ABCC4: variants seen among roughly 807,000 people sequenced by gnomAD.
ABCC4 encodes ATP-binding cassette sub-family C member 4.
A neutral mutation model predicts 168.5 loss-of-function variants in ABCC4; 102 were observed. That is an observed-to-expected ratio of 0.61 (90% confidence interval 0.52 to 0.71). The LOEUF (loss-of-function observed/expected upper bound fraction) is 0.71, where lower values mean the gene tolerates loss of function less well. Among genes scored for constraint, ABCC4 ranks in the 30% least tolerant of loss-of-function variants. The pLI is 0.00. For missense variants in ABCC4, 1,402 were observed against 1,605.8 expected (o/e 0.87, Z 2.17); for synonymous variants, 617 against 590.7 (o/e 1.04, Z -0.65).
chr13:95,086,474 T>A (rs1470700183), intron 20 of ABCC4, among the ~76,000 whole-genome samples: 1 of 152,232 alleles, frequency 6.6e-6, no homozygotes, highest in African/African-American at 2.4e-5. Context: ...TCTTCTAGAA[T>A]TAATTTTGTA....
intron 1 of ABCC4, chr13:95,266,329 A>G (rs1363517197): frequency 6.6e-6 from 1 of 152,460 alleles, no homozygotes; most frequent in African/African-American, 2.4e-5. Flanking sequence ...TGATGCAGCC[A>G]CAAGCCAAGG....
intron 23 of ABCC4, 90 bp downstream of exon 23, chr13:95,074,124 G>C (rs1594051692): frequency 1.0e-6 from 1 of 961,882 alleles, no homozygotes; most frequent in East Asian, 2.6e-5. Context: ...ACAGTATGTA[G>C]TAGTAGACAA....
chr13:95,292,026 T>A (rs1186080334), intron 1 of ABCC4, among the ~76,000 whole-genome samples: 4 of 152,022 alleles, frequency 2.6e-5, no homozygotes, highest in African/African-American at 9.7e-5. Context: ...CATCTCCACT[T>A]GAATGTGTAG....
intron 4 of ABCC4, among the ~76,000 whole-genome samples, chr13:95,223,564 T>A (rs1243902654): frequency 1.3e-5 from 2 of 152,162 alleles, no homozygotes; most frequent in Non-Finnish European, 1.5e-5. Context: ...TACAGTGGTG[T>A]GATCTCAGCT....
At chr13:95,096,339 C>T (rs1382208351) in intron 20 of ABCC4, among the ~76,000 whole-genome samples, 1 of 152,040 alleles carries the variant, frequency 6.6e-6, no homozygotes, top group African/African-American at 2.4e-5. Context: ...GATCTTGGAG[C>T]TACACCAAAC....
intron 20 of ABCC4, among the ~76,000 whole-genome samples, chr13:95,092,647 C>G (rs540105578): frequency 1.3e-5 from 2 of 152,118 alleles, no homozygotes; most frequent in South Asian, 4.1e-4. Context: ...AACTGACATT[C>G]CAAGGTCACA....
intron 19 of ABCC4, among the ~76,000 whole-genome samples, chr13:95,126,730 T>TATATATATATATTCCAAA (rs1555316757): frequency 5.0e-5 from 4 of 80,536 alleles, no homozygotes; most frequent in Admixed American, 1.3e-4. Flanking sequence ...AATATATATA[T>TATATATATATATTCCAAA]ATATATATAT....
At chr13:95,046,124 A>G (rs1194580086) in intron 27 of ABCC4, among the ~76,000 whole-genome samples, 1 of 152,224 alleles carries the variant, frequency 6.6e-6, no homozygotes, top group East Asian at 1.9e-4. Context: ...TAATCTTTTT[A>G]TGAAACATAC....
intron 20 of ABCC4, among the ~76,000 whole-genome samples, chr13:95,083,804 TGA>T (rs548729057): frequency 1.7e-3 from 257 of 152,314 alleles, no homozygotes; most frequent in African/African-American, 6.0e-3. Flanking sequence ...ATTATGAGCG[TGA>T]GCCACCACAC....
chr13:95,031,545 A>G (rs2031877653), intron 30 of ABCC4, among the ~76,000 whole-genome samples: 2 of 152,260 alleles, frequency 1.3e-5, no homozygotes, highest in Admixed American at 1.3e-4. Context: ...AGAATCATAC[A>G]TGTAAGAACT....
intron 1 of ABCC4, among the ~76,000 whole-genome samples, chr13:95,285,662 A>T (rs1052283389): frequency 3.3e-5 from 5 of 152,208 alleles, no homozygotes; most frequent in African/African-American, 1.2e-4. Flanking sequence ...TAGGTACTCT[A>T]GCCAGGGTAT....
At chr13:95,095,927 T>C (rs1362179431) in intron 20 of ABCC4, 2 of 381,052 alleles carry the variant, frequency 5.2e-6, no homozygotes, top group Non-Finnish European at 4.6e-6. Context: ...AATAGAAAAA[T>C]TGTTAAGACA....
intron 8 of ABCC4, among the ~76,000 whole-genome samples, chr13:95,201,701 G>A (rs1015595487): frequency 3.9e-5 from 6 of 152,222 alleles, no homozygotes; most frequent in East Asian, 1.9e-4. Flanking sequence ...GGCCGGGTGC[G>A]GTGGCTTATA....
At chr13:95,122,793 G>A (rs1033596804) in intron 19 of ABCC4, among the ~76,000 whole-genome samples, 3 of 151,008 alleles carry the variant, frequency 2.0e-5, no homozygotes, top group Non-Finnish European at 4.4e-5. Context: ...GACCGGCTAC[G>A]GATAACTGTG....
chr13:95,100,080 T>C (rs958797567), intron 20 of ABCC4, among the ~76,000 whole-genome samples: 2 of 152,148 alleles, frequency 1.3e-5, no homozygotes, highest in Non-Finnish European at 2.9e-5. Flanking sequence ...TAAGTAAACA[T>C]TTGGCCATTT....
At chr13:95,151,677 A>G (rs2139511891) in intron 19 of ABCC4, among the ~76,000 whole-genome samples, 1 of 152,218 alleles carries the variant, frequency 6.6e-6, no homozygotes, top group South Asian at 2.1e-4. Flanking sequence ...ATCATCATCC[A>G]CTGTCGGCAA....
At chr13:95,042,427 T>C (rs1030437593) in intron 29 of ABCC4, among the ~76,000 whole-genome samples, 4 of 152,086 alleles carry the variant, frequency 2.6e-5, no homozygotes, top group African/African-American at 9.7e-5. Flanking sequence ...CTGCGTTTGA[T>C]GAACTGAAGG....
chr13:95,225,968 T>TAAAAA (rs11414379), intron 4 of ABCC4, among the ~76,000 whole-genome samples: 1 of 117,788 alleles, frequency 8.5e-6, no homozygotes, highest in African/African-American at 3.2e-5. Flanking sequence ...CATCTCCACT[T>TAAAAA]AAAAAAAAAA....
At chr13:95,087,253 C>T (rs553527722) in intron 20 of ABCC4, among the ~76,000 whole-genome samples, 39 of 152,268 alleles carry the variant, frequency 2.6e-4, no homozygotes, top group African/African-American at 3.9e-4. Context: ...TGGCAGGGTG[C>T]GGTGGCTCAC....
Sources: gnomAD v4.1 joint callset for allele counts (sites outside exome capture counted in the v4.1 genomes callset) on GRCh38, gnomAD v4.1.1 for gene constraint, MANE v1.5 for transcripts, NCBI Gene and HGNC (gene_info 2026-07-23, HGNC 2026-07-21) for gene names.